FCHSD2: variants seen among roughly 807,000 people sequenced by gnomAD.
The protein encoded by FCHSD2 is F-BAR and double SH3 domains protein 2.
FCHSD2 carries 38 observed loss-of-function variants against 108.1 expected under a neutral mutation model. The ratio of observed to expected loss-of-function variants is 0.35; its 90% CI spans 0.27 to 0.46. The LOEUF (loss-of-function observed/expected upper bound fraction) is 0.46. Ranked by LOEUF, FCHSD2 falls within the 20% of genes least tolerant of loss-of-function variation. FCHSD2 has a pLI of 1.00. For missense variants in FCHSD2, 751 were observed against 897.8 expected (o/e 0.84, Z 2.09); for synonymous variants, 279 against 314.7 (o/e 0.89, Z 1.20).
At chr11:73,102,891 T>C (rs1319542725) in intron 2 of FCHSD2, among the ~76,000 whole-genome samples, 1 of 152,136 alleles carries the variant, frequency 6.6e-6, no homozygotes, top group East Asian at 1.9e-4. Context: ...ATACTCTTAT[T>C]AAGAAAAACT....
Position 73,015,897 on chromosome 11 carries a change from T to C in FCHSD2, c.166-12A>G. The C allele has an allele frequency of 2.0e-6, 3 of 1,492,366 alleles. No homozygotes were observed. In the South Asian group the frequency reaches 3.6e-5, roughly 18 times the overall value. 92.4% of individuals were successfully genotyped at this position (1,492,366 alleles called of 1,614,324 possible). On this transcript the variant is annotated splice_polypyrimidine_tract_variant and intron_variant, in intron 3 of 19. Coordinates refer to ENST00000409418, the MANE Select transcript of FCHSD2 (RefSeq NM_014824.3). ...AACTTCTGCATACCCTGTTAAAAAA[T>C]ACATATTTTTTCTAAAATAAATATT...
chr11:72,888,134 T>C (rs143143356), intron 11 of FCHSD2, among the ~76,000 whole-genome samples: 113 of 152,204 alleles, frequency 7.4e-4, no homozygotes, highest in Middle Eastern at 3.4e-3. Flanking sequence ...TAGCCAAGTA[T>C]AGGAATCTGA....
chr11:72,950,035 C>A (rs1856592792), intron 8 of FCHSD2, among the ~76,000 whole-genome samples: 2 of 152,128 alleles, frequency 1.3e-5, no homozygotes, highest in Admixed American at 6.5e-5. Context: ...CTCACCAACA[C>A]TTGTTATTTT....
Position 72,858,713 on chromosome 11 carries a change from T to A in FCHSD2, c.1309-8824A>T, listed in dbSNP as rs575522547. Among the ~76,000 whole-genome samples, 3 of 152,238 alleles carry A rather than the reference T, an allele frequency of 2.0e-5. No homozygotes were observed. The South Asian group carries it at 6.2e-4, about 32-fold the overall frequency. On this transcript the variant is annotated intron_variant, in intron 13 of 19. Transcript: ENST00000409418. ...TGAAATAATCTGTACAACCCCCCCA[T>A]GACACAAGTTTACCTATGTAACAAA...
chr11:73,072,732 A>G (rs1859464929), intron 3 of FCHSD2, among the ~76,000 whole-genome samples: 1 of 152,168 alleles, frequency 6.6e-6, no homozygotes, highest in African/African-American at 2.4e-5. Context: ...TTAATCTCTA[A>G]TAGCATTAGA....
Position 72,836,937 on chromosome 11 carries a change from T to C in FCHSD2, c.*1854A>G, listed in dbSNP as rs1228744088. ...GGCATGTTTTCACAACTTTGTTTTTTAAAATAAAATTAGCAGCTCTTCCAA... is the reference window on the plus strand; with the variant it reads ...GGCATGTTTTCACAACTTTGTTTTTCAAAATAAAATTAGCAGCTCTTCCAA... On this transcript the variant is annotated 3_prime_UTR_variant, in exon 20 of 20. Transcript: ENST00000409418. 1 of 152,620 alleles carries C rather than the reference T, an allele frequency of 6.6e-6. No individual in the cohort carries two copies. Among genetic ancestry groups the C allele is most frequent in the Non-Finnish European group, 1.5e-5 (1 of 68,042 alleles). 9.5% of individuals were successfully genotyped at this position (152,620 alleles called of 1,614,324 possible). A position where few individuals can be genotyped will look rare whatever the true frequency, so the allele number is the denominator to read the frequency against.
chr11:73,071,470 T>C (rs2135500208), intron 3 of FCHSD2, among the ~76,000 whole-genome samples: 1 of 150,760 alleles, frequency 6.6e-6, no homozygotes, highest in Non-Finnish European at 1.5e-5. Context: ...GGCGGGCAGA[T>C]CACGAGGTCA....
chr11:72,937,192 G>A (rs1211749066), intron 8 of FCHSD2, among the ~76,000 whole-genome samples: 2 of 151,950 alleles, frequency 1.3e-5, no homozygotes, highest in East Asian at 1.9e-4. Context: ...AGGCTTTTGG[G>A]GAAACTAAAA....
chr11:73,104,330 G>A (rs935981148), intron 2 of FCHSD2, among the ~76,000 whole-genome samples: 6 of 151,792 alleles, frequency 4.0e-5, no homozygotes, highest in South Asian at 2.1e-4. Context: ...GCAGTGGTGC[G>A]ATCTCAGCTC....
At chr11:73,116,777 A>C (rs767534425) in intron 2 of FCHSD2, among the ~76,000 whole-genome samples, 2 of 151,952 alleles carry the variant, frequency 1.3e-5, no homozygotes, top group Non-Finnish European at 2.9e-5. Context: ...GCCTCAAGCA[A>C]TCTCCCAACT....
intron 3 of FCHSD2, among the ~76,000 whole-genome samples, chr11:73,050,502 T>C (rs1858873276): frequency 6.6e-6 from 1 of 152,190 alleles, no homozygotes; most frequent in African/African-American, 2.4e-5. Context: ...AGCTGCTGAA[T>C]ATATAAGGCT....
In FCHSD2 at chr11:72,867,911, C is replaced by T. The variant is rs142899648; in HGVS notation, c.1262G>A (p.Arg421Gln). ...GGTCACTGCAGGAGGGCGGGCCCAT[C>T]GCTCATTTTCCAGTTCTTCCATTAC... ...NQVMEELENE[R>Q]WARPPAVTSN... The change falls in exon 13 of 20, where the codon CGA becomes CAA. Residue 421 changes from arginine to glutamine, a missense_variant. Arg to Gln is a conservative substitution (Grantham distance 43). Transcript: ENST00000409418. 119 of 1,611,798 alleles carry T rather than the reference C, an allele frequency of 7.4e-5. No individual in the cohort carries two copies. The African/African-American group carries it at 9.9e-4, about 13-fold the overall frequency.
rs55916551 is a variant in FCHSD2, at chr11:72,851,101, C to CAAAA, written c.1309-1216_1309-1213dup. On this transcript the variant is annotated intron_variant, in intron 13 of 19. Coordinates refer to ENST00000409418, the MANE Select transcript of FCHSD2 (RefSeq NM_014824.3). ...GGGGCGACACAGCGTGACTCTGTCTCAAAAAAAAAAAAAAAAAAAAAAAGG... is the reference window on the plus strand; with the variant it reads ...GGGGCGACACAGCGTGACTCTGTCTCAAAAAAAAAAAAAAAAAAAAAAAAAAAGG... Among the ~76,000 whole-genome samples, 53 of 69,936 alleles carry CAAAA rather than the reference C, an allele frequency of 7.6e-4. 1 individual carries two copies. Among genetic ancestry groups the CAAAA allele is most frequent in the East Asian group, 2.3e-3 (5 of 2,216 alleles). The allele number at this position is 69,936 out of a possible 152,430, so 45.9% of individuals were successfully genotyped here. A position where few individuals can be genotyped will look rare whatever the true frequency, so the allele number is the denominator to read the frequency against.
intron 10 of FCHSD2, chr11:72,900,230 C>G: frequency 8.9e-6 from 6 of 672,786 alleles, no homozygotes; most frequent in Non-Finnish European, 1.5e-5. Context: ...TCCCATCCCT[C>G]CCGCCCTTGA....
At chr11:73,082,670 T>C (rs1349203868) in intron 3 of FCHSD2, among the ~76,000 whole-genome samples, 1 of 152,176 alleles carries the variant, frequency 6.6e-6, no homozygotes, top group African/African-American at 2.4e-5. Flanking sequence ...GTGGTTACCA[T>C]GTAGAAAATT....
intron 3 of FCHSD2, among the ~76,000 whole-genome samples, chr11:73,056,301 C>T (rs1230465573): frequency 6.6e-6 from 1 of 152,100 alleles, no homozygotes; most frequent in African/African-American, 2.4e-5. Flanking sequence ...GAGATGGTCT[C>T]CATCTTTAAA....
rs1237077582 is a variant in FCHSD2, at chr11:73,061,613, C to T, written c.165+22082G>A. Among the ~76,000 whole-genome samples, 6 of 152,130 alleles carry T rather than the reference C, an allele frequency of 3.9e-5. No individual in the cohort carries two copies. The East Asian group carries it at 1.2e-3, about 29-fold the overall frequency. On this transcript the variant is annotated intron_variant, in intron 3 of 19. Coordinates refer to ENST00000409418, the MANE Select transcript of FCHSD2 (RefSeq NM_014824.3). ...CAGTCTGAGATCGACCTGGGACGCTCGAGCTTGGTGTGGGGAGAGACGTCC... is the reference window on the plus strand; with the variant it reads ...CAGTCTGAGATCGACCTGGGACGCTTGAGCTTGGTGTGGGGAGAGACGTCC...
intron 8 of FCHSD2, among the ~76,000 whole-genome samples, chr11:72,946,942 C>A (rs973334953): frequency 6.6e-6 from 1 of 152,214 alleles, no homozygotes; most frequent in African/African-American, 2.4e-5. Flanking sequence ...AGGTGCCCCT[C>A]TTTGTGGGAC....
intron 2 of FCHSD2, among the ~76,000 whole-genome samples, chr11:73,133,289 A>T (rs114296380): frequency 1.3e-5 from 2 of 152,370 alleles, no homozygotes; most frequent in African/African-American, 4.8e-5. Flanking sequence ...AAAGAAAAAC[A>T]TATATCCATA....
Sources: gnomAD v4.1 joint callset for allele counts (sites outside exome capture counted in the v4.1 genomes callset) on GRCh38, gnomAD v4.1.1 for gene constraint, MANE v1.5 for transcripts, NCBI Gene and HGNC (gene_info 2026-07-23, HGNC 2026-07-21) for gene names.